PRKN: variants seen among roughly 807,000 people sequenced by gnomAD.
PRKN encodes parkin RBR E3 ubiquitin protein ligase, also known as E3 ubiquitin-protein ligase parkin.
Under a neutral mutation model 59.5 loss-of-function variants are expected in PRKN, and 56 were observed. The observed-to-expected ratio is 0.94, with a 90% confidence interval of 0.76 to 1.18. The LOEUF is 1.18. PRKN is among the 50% of genes most tolerant of loss of function. The pLI, the probability that PRKN is intolerant of heterozygous loss-of-function variation, is 0.00. For missense variants in PRKN, 657 were observed against 596.4 expected (o/e 1.10, Z -1.06); for synonymous variants, 250 against 222.1 (o/e 1.13, Z -1.12).
chr6:162,149,238 T>C (rs1439213865), intron 4 of PRKN, among the ~76,000 whole-genome samples: 1 of 152,086 alleles, frequency 6.6e-6, no homozygotes, highest in African/African-American at 2.4e-5. Context: ...AAGACTTTAC[T>C]TTCTTTTTTC....
At chr6:161,920,961 A>G (rs916082521) in intron 6 of PRKN, among the ~76,000 whole-genome samples, 1 of 152,166 alleles carries the variant, frequency 6.6e-6, no homozygotes, top group Non-Finnish European at 1.5e-5. Flanking sequence ...CTAAATGTAT[A>G]CAACAAAGTT....
chr6:162,387,437 T>G (rs542247892), intron 2 of PRKN, among the ~76,000 whole-genome samples: 1 of 151,812 alleles, frequency 6.6e-6, no homozygotes, highest in Non-Finnish European at 1.5e-5. Flanking sequence ...TACAGAGAAA[T>G]TGAGAAACAA....
At chr6:162,709,150 T>TTA (rs1289964207) in intron 1 of PRKN, among the ~76,000 whole-genome samples, 1 of 151,244 alleles carries the variant, frequency 6.6e-6, no homozygotes, top group Non-Finnish European at 1.5e-5. Context: ...GCCCCACTGA[T>TTA]TCTACACTAT....
At chr6:161,873,970 AATATATAAAAT>A (rs1794461161) in intron 6 of PRKN, among the ~76,000 whole-genome samples, 1 of 66,886 alleles carries the variant, frequency 1.5e-5, no homozygotes, top group South Asian at 3.8e-4. Flanking sequence ...TGTAAAATAT[AATATATAAAAT>A]ATATATGTAA....
rs780630547 is a variant in PRKN, at chr6:161,547,644, C to A, written c.1083+1210G>T. The stretch of plus-strand genomic sequence containing the variant: ...TTCATTAAAAGCTCATTTTAAAAGA[C>A]AACATTTGCTAGCATTCTGATCCCA... On this transcript the variant is annotated intron_variant, in intron 9 of 11. Coordinates refer to ENST00000366898, the MANE Select transcript of PRKN (RefSeq NM_004562.3). The surrounding 1 kb of genome is among the most constrained non-coding windows in gnomAD (Gnocchi z 4.0). 6.6e-6 allele frequency among the ~76,000 whole-genome samples: 1 copy of A among 152,172 alleles called. No individual in the cohort carries two copies. The highest frequency in any genetic ancestry group is 1.5e-5 in the Non-Finnish European group (1 of 68,014).
chr6:161,702,464 T>C (rs1786293628), intron 7 of PRKN, among the ~76,000 whole-genome samples: 1 of 152,130 alleles, frequency 6.6e-6, no homozygotes, highest in Non-Finnish European at 1.5e-5. Flanking sequence ...ATTGTATGAT[T>C]CCACCTATAT....
chr6:161,430,253 T>A (rs576250995), intron 9 of PRKN, among the ~76,000 whole-genome samples: 1 of 152,354 alleles, frequency 6.6e-6, no homozygotes, highest in Admixed American at 6.5e-5. Flanking sequence ...ATTGTAACTA[T>A]GTTATGAAAC....
chr6:162,296,140 A>G (rs1316014495), intron 2 of PRKN, among the ~76,000 whole-genome samples: 1 of 152,138 alleles, frequency 6.6e-6, no homozygotes, highest in Non-Finnish European at 1.5e-5. Flanking sequence ...ATGGGTAAAA[A>G]GAAGGAAAAG....
At chr6:162,516,720 G>A (rs1436426149) in intron 1 of PRKN, among the ~76,000 whole-genome samples, 12 of 149,934 alleles carry the variant, frequency 8.0e-5, no homozygotes, top group Middle Eastern at 6.9e-3. Flanking sequence ...CCGAGATGGC[G>A]CCACTGCACT....
At chr6:162,436,305 T>C (rs1003671118) in intron 2 of PRKN, among the ~76,000 whole-genome samples, 2 of 151,538 alleles carry the variant, frequency 1.3e-5, no homozygotes, top group Admixed American at 1.3e-4. Context: ...ATGTTACTAA[T>C]GTTTACTCTA....
intron 7 of PRKN, among the ~76,000 whole-genome samples, chr6:161,777,122 A>C (rs939381332): frequency 6.6e-6 from 1 of 152,192 alleles, no homozygotes; most frequent in Non-Finnish European, 1.5e-5. Context: ...TTCATTTATA[A>C]AAATGAGAAG....
At chr6:161,756,249 G>C (rs9355929) in intron 7 of PRKN, among the ~76,000 whole-genome samples, 131,137 of 151,826 alleles carry the variant, frequency 0.86, 56,889 homozygotes, top group East Asian at 0.98. Flanking sequence ...CGAGATCACC[G>C]TGGCCAAAAC....
chr6:161,776,196 A>G (rs987770012), intron 7 of PRKN, among the ~76,000 whole-genome samples: 1 of 152,214 alleles, frequency 6.6e-6, no homozygotes, highest in Non-Finnish European at 1.5e-5. Context: ...ATCAACCTAA[A>G]TACATGAAGC....
At chr6:162,669,676 G>T (rs1359005473) in intron 1 of PRKN, among the ~76,000 whole-genome samples, 2 of 152,050 alleles carry the variant, frequency 1.3e-5, no homozygotes, top group African/African-American at 4.8e-5. Flanking sequence ...ATTAAATTAG[G>T]AGTGCACTAT....
chr6:162,397,206 A>C (rs932390953), intron 2 of PRKN, among the ~76,000 whole-genome samples: 5 of 152,180 alleles, frequency 3.3e-5, no homozygotes, highest in Non-Finnish European at 5.9e-5. Context: ...AAATTTGCTT[A>C]ATTATTGTTA....
At chr6:161,800,750 A>C (rs1445586010) in intron 6 of PRKN, among the ~76,000 whole-genome samples, 1 of 152,162 alleles carries the variant, frequency 6.6e-6, no homozygotes, top group Non-Finnish European at 1.5e-5. Flanking sequence ...GATATTTAGG[A>C]ACTAAAATTG....
chr6:161,798,441 G>C (rs1300169724), intron 6 of PRKN, among the ~76,000 whole-genome samples: 3 of 152,136 alleles, frequency 2.0e-5, no homozygotes, highest in Non-Finnish European at 4.4e-5. Context: ...GGTTAGATGG[G>C]ACCATCTCCA....
In PRKN at chr6:161,551,276, G is replaced by C. The variant is rs1439237974; in HGVS notation, c.934-2273C>G. ...AGCACAGCCCCAAATGCCAAGGAAG[G>C]ACCTGGGGAGGCGCGCTGGCGACCT... is the stretch of plus-strand genomic sequence containing the variant. On this transcript the variant is annotated intron_variant, in intron 8 of 11. Coordinates refer to ENST00000366898, the MANE Select transcript of PRKN (RefSeq NM_004562.3). This position sits in a 1 kb window ranked among gnomAD's most constrained non-coding sequence, Gnocchi z 5.2. Among the ~76,000 whole-genome samples, 2 of 152,206 alleles carry C rather than the reference G, an allele frequency of 1.3e-5. No homozygotes were observed. The highest frequency in any genetic ancestry group is 2.9e-5 in the Non-Finnish European group (2 of 68,040).
intron 7 of PRKN, among the ~76,000 whole-genome samples, chr6:161,721,419 G>A (rs6907739): frequency 0.027 from 4,111 of 152,232 alleles, 196 homozygotes; most frequent in African/African-American, 0.094. Context: ...GGCTTTCCTC[G>A]TGCCTGCATC....
Sources: gnomAD v4.1 joint callset for allele counts (sites outside exome capture counted in the v4.1 genomes callset) on GRCh38, gnomAD v4.1.1 for gene constraint, Gnocchi (gnomAD v3.1) non-coding constraint, MANE v1.5 for transcripts, NCBI Gene and HGNC (gene_info 2026-07-23, HGNC 2026-07-21) for gene names.